ZCWPW2: variants seen among roughly 807,000 people sequenced by gnomAD.
ZCWPW2 encodes the protein zinc finger CW-type PWWP domain protein 2.
Under a neutral mutation model 46.6 loss-of-function variants are expected in ZCWPW2, and 45 were observed. The observed-to-expected ratio is 0.96, with a 90% confidence interval of 0.76 to 1.24. The LOEUF (loss-of-function observed/expected upper bound fraction) is 1.24. ZCWPW2 is among the 50% of genes most tolerant of loss of function. The pLI, the probability that ZCWPW2 is intolerant of heterozygous loss-of-function variation, is 0.00. For synonymous variants in ZCWPW2, 152 were observed against 137.1 expected (o/e 1.11, Z -0.76); for missense variants, 429 against 403.9 (o/e 1.06, Z -0.53).
At chr3:28,517,521 G>A (rs1297259858) in intron 8 of ZCWPW2, among the ~76,000 whole-genome samples, 1 of 152,072 alleles carries the variant, frequency 6.6e-6, no homozygotes, top group Non-Finnish European at 1.5e-5. Flanking sequence ...ACTATCACCA[G>A]GACAGTACCA....
intron 1 of ZCWPW2, among the ~76,000 whole-genome samples, chr3:28,367,789 T>C (rs760471804): frequency 2.0e-5 from 3 of 152,178 alleles, no homozygotes; most frequent in Non-Finnish European, 4.4e-5. Context: ...TAAGTCTCTT[T>C]GTAGGTCTCT....
intron 2 of ZCWPW2, among the ~76,000 whole-genome samples, chr3:28,409,871 C>A (rs1320041240): frequency 6.6e-6 from 1 of 151,948 alleles, no homozygotes; most frequent in African/African-American, 2.4e-5. Context: ...AGTAAATGAA[C>A]TAAAATCACT....
chr3:28,480,864 C>CTTTTTTT (rs56891846), intron 5 of ZCWPW2, among the ~76,000 whole-genome samples: 2 of 122,008 alleles, frequency 1.6e-5, no homozygotes, highest in African/African-American at 3.1e-5. Flanking sequence ...CATTTTTTTT[C>CTTTTTTT]TTTTTTTTTT....
chr3:28,413,089 T>A lies in ZCWPW2; in HGVS notation c.21T>A (p.Asp7Glu), dbSNP rs779631847. Residue 7 changes from aspartate to glutamate, a missense_variant, in exon 3 of 10, where the codon GAT becomes GAA. Transcript: ENST00000383768. Reference sequence around the variant, plus strand: ...CCTTAATGGATAAAGAAAAATTGGATGTTAAGATTGAATATTGTAACTATG... The same window carrying A: ...CCTTAATGGATAAAGAAAAATTGGAAGTTAAGATTGAATATTGTAACTATG... Reference protein sequence around the residue: MDKEKLDVKIEYCNYAM... With the variant: MDKEKLEVKIEYCNYAM... The A allele has an allele frequency of 6.2e-7, 1 of 1,610,114 alleles. No individual in the cohort carries two copies. The highest frequency in any genetic ancestry group is 8.5e-7 in the Non-Finnish European group (1 of 1,177,814).
chr3:28,390,448 T>A (rs1382849246), intron 1 of ZCWPW2, 50 bp from the exon 2 acceptor site: 1 of 971,198 alleles, frequency 1.0e-6, no homozygotes, highest in African/African-American at 1.8e-5. Context: ...TTTAAAAATG[T>A]GGGTATTATA....
intron 2 of ZCWPW2, among the ~76,000 whole-genome samples, chr3:28,402,490 A>G (rs1695987840): frequency 6.6e-6 from 1 of 152,200 alleles, no homozygotes; most frequent in African/African-American, 2.4e-5. Flanking sequence ...AAGAATTGGT[A>G]CCAATCCTAC....
intron 4 of ZCWPW2, among the ~76,000 whole-genome samples, chr3:28,477,422 T>C (rs1699272090): frequency 6.6e-6 from 1 of 152,166 alleles, no homozygotes; most frequent in Non-Finnish European, 1.5e-5. Flanking sequence ...TAATATACCA[T>C]GAGGTATAGG....
At chr3:28,368,056 G>T (rs1575054939) in intron 1 of ZCWPW2, among the ~76,000 whole-genome samples, 1 of 152,098 alleles carries the variant, frequency 6.6e-6, no homozygotes, top group South Asian at 2.1e-4. Context: ...CATGAGATGG[G>T]TTTCCTGAAT....
intron 2 of ZCWPW2, among the ~76,000 whole-genome samples, chr3:28,409,452 T>G (rs901728902): frequency 6.6e-6 from 1 of 152,114 alleles, no homozygotes; most frequent in Non-Finnish European, 1.5e-5. Flanking sequence ...CTATCCTCAT[T>G]CAGTGAATAC....
At position 28,477,234 on chromosome 3, in the gene ZCWPW2, T is replaced by TTA. The variant is rs1434447169; in HGVS notation, c.493-1580_493-1579insTA. On this transcript the variant is annotated intron_variant, in intron 4 of 9. Coordinates refer to ENST00000383768, the MANE Select transcript of ZCWPW2 (RefSeq NM_001040432.4). ...TTAAAATTTCCAATATTTAGTGAAT[T>TTA]GTATCTGCCTCTTTTCATCTGTTTC... Among the ~76,000 whole-genome samples, 193 of 152,352 alleles carry TTA rather than the reference T, an allele frequency of 1.3e-3. 1 individual carries two copies. Among genetic ancestry groups the TTA allele is most frequent in the Non-Finnish European group, 2.2e-3 (149 of 68,032 alleles).
At chr3:28,474,987 C>T (rs1188888945) in intron 4 of ZCWPW2, among the ~76,000 whole-genome samples, 2 of 151,270 alleles carry the variant, frequency 1.3e-5, no homozygotes, top group South Asian at 4.2e-4. Context: ...TGCTACCACG[C>T]CCGGCTAACT....
intron 5 of ZCWPW2, among the ~76,000 whole-genome samples, chr3:28,480,214 C>A (rs1189370353): frequency 1.3e-5 from 2 of 152,200 alleles, no homozygotes; most frequent in Admixed American, 6.5e-5. Context: ...TATTTCTCCT[C>A]AACCTCACCA....
rs367813023 is a variant in ZCWPW2, at chr3:28,408,063, G to T, written c.-13-4993G>T. 3.3e-5 allele frequency among the ~76,000 whole-genome samples: 5 copies of T among 152,238 alleles called. No individual in the cohort carries two copies. The East Asian group carries it at 9.7e-4, about 29-fold the overall frequency. ...TAAATTCTGGTAGCCTGGATAAAAC[G>T]TATCAAATCTAAAATACCAAGAGGT... On this transcript the variant is annotated intron_variant, in intron 2 of 9. Transcript: ENST00000383768.
rs578178124 is a variant in ZCWPW2 at position 28,380,934 on chromosome 3, GTATATATATATATATATATATA to G, written c.-133-9548_-133-9527del. On this transcript the variant is annotated intron_variant, in intron 1 of 9. Transcript: ENST00000383768. ...ACTTTACCAAATATATATATATTTG[GTATATATATATATATATATATA>G]TATATATATATATATTTGGTATATA... Among the ~76,000 whole-genome samples, 29 of 13,436 alleles carry G rather than the reference GTATATATATATATATATATATA, an allele frequency of 2.2e-3. 5 individuals are homozygous for G. The highest frequency in any genetic ancestry group is 8.9e-3 in the African/African-American group (28 of 3,162). 8.8% of individuals were successfully genotyped at this position (13,436 alleles called of 152,430 possible).
intron 4 of ZCWPW2, among the ~76,000 whole-genome samples, chr3:28,442,029 G>C (rs1238965838): frequency 6.6e-6 from 1 of 152,192 alleles, no homozygotes; most frequent in Admixed American, 6.5e-5. Context: ...CATTGGTTCT[G>C]CTGGGTCATA....
intron 4 of ZCWPW2, among the ~76,000 whole-genome samples, chr3:28,468,098 A>G (rs1449929041): frequency 6.6e-6 from 1 of 152,150 alleles, no homozygotes; most frequent in African/African-American, 2.4e-5. Context: ...GAATTCTATC[A>G]GATTAATTGA....
intron 1 of ZCWPW2, among the ~76,000 whole-genome samples, chr3:28,354,301 C>A (rs148810964): frequency 6.7e-6 from 1 of 150,252 alleles, no homozygotes; most frequent in East Asian, 1.9e-4. Flanking sequence ...CAAGACTAAA[C>A]CAGGAAGAAG....
At chr3:28,477,891 T>G (rs1464392160) in intron 4 of ZCWPW2, among the ~76,000 whole-genome samples, 1 of 152,132 alleles carries the variant, frequency 6.6e-6, no homozygotes, top group Admixed American at 6.5e-5. Context: ...TCCTTTTTGC[T>G]GAGTTTTAAA....
chr3:28,523,912 C>T (rs933042005), intron 9 of ZCWPW2, among the ~76,000 whole-genome samples: 1 of 151,976 alleles, frequency 6.6e-6, no homozygotes, highest in African/African-American at 2.4e-5. Flanking sequence ...ATAATCCATA[C>T]ACAAATAAAA....
Sources: gnomAD v4.1 joint callset for allele counts (sites outside exome capture counted in the v4.1 genomes callset) on GRCh38, gnomAD v4.1.1 for gene constraint, MANE v1.5 for transcripts, NCBI Gene and HGNC (gene_info 2026-07-23, HGNC 2026-07-21) for gene names.